The following CLDN16 variants were observed in gnomAD, a reference collection of about 807,000 sequenced individuals.
CLDN16 encodes the protein claudin-16.
A neutral mutation model predicts 24.6 loss-of-function variants in CLDN16; 13 were observed. That is an observed-to-expected ratio of 0.53 (90% CI 0.34 to 0.84). The LOEUF (loss-of-function observed/expected upper bound fraction) is 0.84. Among genes scored for constraint, CLDN16 ranks in the 40% least tolerant of loss-of-function variants. The pLI is 0.01. For missense variants in CLDN16, 298 were observed against 292.7 expected (o/e 1.02, Z -0.13); for synonymous variants, 116 against 106.7 (o/e 1.09, Z -0.54).
At chr3:190,312,534 C>T in the CLDN16 span, among the ~76,000 whole-genome samples, 2 of 152,198 alleles carry the variant, frequency 1.3e-5, no homozygotes, top group East Asian at 1.9e-4. Flanking sequence ...ATCTTTTCCA[C>T]ATAGTATCTG....
chr3:190,389,254 G>A (rs530320096), intron 1 of CLDN16, among the ~76,000 whole-genome samples: 3 of 152,214 alleles, frequency 2.0e-5, no homozygotes, highest in African/African-American at 4.8e-5. Context: ...CATTAATGAG[G>A]CTTAGGAAAA....
chr3:190,406,864 CCCAA>C lies in CLDN16; in HGVS notation c.383-1449_383-1446del, dbSNP rs571557903. ...TCACGCCATTCTCCTGCCTCAGCCT[CCCAA>C]GTAGCTGGGACTACAGGCGCCCACC... On this transcript the variant is annotated intron_variant, in intron 3 of 4. Transcript: ENST00000264734. 5.8e-4 allele frequency among the ~76,000 whole-genome samples: 88 copies of C among 151,782 alleles called. 1 individual carries two copies. In the South Asian group the frequency reaches 0.018, roughly 31 times the overall value.
the CLDN16 span, among the ~76,000 whole-genome samples, chr3:190,296,101 A>T: frequency 6.6e-6 from 1 of 152,174 alleles, no homozygotes; most frequent in Non-Finnish European, 1.5e-5. Context: ...TTAGTTTATT[A>T]ATTTATTTGC....
At chr3:190,296,057 C>T in the CLDN16 span, among the ~76,000 whole-genome samples, 1 of 152,064 alleles carries the variant, frequency 6.6e-6, no homozygotes, top group Non-Finnish European at 1.5e-5. Context: ...ATTGATCTGA[C>T]TTGAGTCATA....
Position 190,404,876 on chromosome 3 carries a change from A to T in CLDN16, c.332A>T (p.Tyr111Phe). 1 of 1,614,136 alleles carries T rather than the reference A, an allele frequency of 6.2e-7. No homozygotes were observed. The highest frequency in any genetic ancestry group is 8.5e-7 in the Non-Finnish European group (1 of 1,180,024). ...GTGAAATTCCTCCCTGATGAGCCGT[A>T]CATTAAAGTCCGCATCTGCTTTGTT... ...DCVKFLPDEPYIKVRICFVAG... is the reference protein window; with the variant it reads ...DCVKFLPDEPFIKVRICFVAG... The change falls in exon 3 of 5, where the codon TAC (tyrosine) becomes TTC (phenylalanine). Residue 111 changes from tyrosine to phenylalanine, a missense_variant. By Grantham distance (22) the Tyr-to-Phe change is conservative (BLOSUM62 3). Coordinates refer to ENST00000264734, the MANE Select transcript of CLDN16 (RefSeq NM_006580.4).
chr3:190,360,517 G>C (rs2108641165), intron 1 of CLDN16, among the ~76,000 whole-genome samples: 1 of 151,996 alleles, frequency 6.6e-6, no homozygotes, highest in Non-Finnish European at 1.5e-5. Context: ...AGTTGAAATA[G>C]GGAGGATGAA....
intron 1 of CLDN16, among the ~76,000 whole-genome samples, chr3:190,363,554 G>A (rs868284800): frequency 1.4e-4 from 11 of 81,352 alleles, no homozygotes; most frequent in South Asian, 4.7e-4. Context: ...GTGTGTGTGT[G>A]TGTATATATA....
chr3:190,295,095 C>T, the CLDN16 span, among the ~76,000 whole-genome samples: 12 of 152,138 alleles, frequency 7.9e-5, no homozygotes, highest in South Asian at 2.1e-4. Context: ...AGGCAAGACA[C>T]GCTCATATTC....
intron 3 of CLDN16, among the ~76,000 whole-genome samples, chr3:190,379,620 A>C (rs1212669048): frequency 5.3e-5 from 8 of 152,138 alleles, no homozygotes; most frequent in Non-Finnish European, 8.8e-5. Context: ...ATCTACAATG[A>C]TACATTCACT....
upstream of CLDN16, among the ~76,000 whole-genome samples, chr3:190,387,269 C>T (rs2108657366): frequency 6.6e-6 from 1 of 152,120 alleles, no homozygotes; most frequent in African/African-American, 2.4e-5. Flanking sequence ...TTAAGGATAC[C>T]TATTCAGATA....
chr3:190,396,673 C>A (rs1042337749), intron 1 of CLDN16, among the ~76,000 whole-genome samples: 2 of 152,032 alleles, frequency 1.3e-5, no homozygotes, highest in Non-Finnish European at 2.9e-5. Flanking sequence ...TAACAGATGA[C>A]CTATAATTGC....
rs575661448 is a variant in CLDN16, at chr3:190,369,986, A to G, written n.122-907A>G. Among the ~76,000 whole-genome samples, 8 of 152,130 alleles carry G rather than the reference A, an allele frequency of 5.3e-5. No homozygotes were observed. In the South Asian group the frequency reaches 1.7e-3, roughly 31 times the overall value. On this transcript the variant is annotated intron_variant and non_coding_transcript_variant, in intron 1 of 4. Transcript: ENST00000468220. ...TAATGCGAATTTTGTATTCCGAGAA[A>G]GGCTGAGACATACAGAGGACATTTG...
intron 1 of CLDN16, among the ~76,000 whole-genome samples, chr3:190,348,912 T>G (rs1717613420): frequency 6.6e-6 from 1 of 152,178 alleles, no homozygotes; most frequent in African/African-American, 2.4e-5. Context: ...TGAGAACATG[T>G]GATGTCTGGT....
chr3:190,409,185 TAC>T (rs779859851), intron 4 of CLDN16, among the ~76,000 whole-genome samples: 243 of 149,954 alleles, frequency 1.6e-3, no homozygotes, highest in Non-Finnish European at 3.1e-3. Flanking sequence ...CATGTATATA[TAC>T]ACACACGTAT....
chr3:190,380,778 AAAAAATAAATAAAT>A (rs746447939), intron 3 of CLDN16, among the ~76,000 whole-genome samples: 13 of 152,064 alleles, frequency 8.5e-5, no homozygotes, highest in Non-Finnish European at 1.3e-4. Flanking sequence ...ACTCCATCTA[AAAAAATAAATAAAT>A]AAAAATAAAT....
intron 1 of CLDN16, among the ~76,000 whole-genome samples, chr3:190,345,556 T>A (rs763153889): frequency 6.6e-6 from 1 of 152,326 alleles, no homozygotes; most frequent in Non-Finnish European, 1.5e-5. Flanking sequence ...AATCTCATAT[T>A]TATTTTTTAC....
upstream of CLDN16, among the ~76,000 whole-genome samples, chr3:190,317,857 C>T (rs1427259771): frequency 6.6e-6 from 1 of 152,182 alleles, no homozygotes; most frequent in African/African-American, 2.4e-5. Context: ...ACTTGCTGTT[C>T]AAACCTGTGT....
chr3:190,390,929 G>T (rs963367896), intron 1 of CLDN16, among the ~76,000 whole-genome samples: 2 of 152,052 alleles, frequency 1.3e-5, no homozygotes, highest in African/African-American at 4.8e-5. Context: ...AGGCCTACAG[G>T]TGCATGTCCC....
chr3:190,402,520 G>A, intron 2 of CLDN16, 81 bp downstream of exon 2: 1 of 1,055,622 alleles, frequency 9.5e-7, no homozygotes, highest in African/African-American at 1.6e-5. Flanking sequence ...TTTGTGCTTT[G>A]TTTTCTATTG....
Sources: allele counts gnomAD v4.1 joint callset (sites outside exome capture counted in the v4.1 genomes callset), GRCh38; gene constraint gnomAD v4.1.1; transcripts MANE v1.5; gene names NCBI Gene and HGNC (gene_info 2026-07-23, HGNC 2026-07-21).